COLGALT2: variants seen among roughly 807,000 people sequenced by gnomAD.
COLGALT2 encodes procollagen galactosyltransferase 2.
COLGALT2 carries 49 observed loss-of-function variants against 73.4 expected under a neutral mutation model. The observed-to-expected ratio is 0.67, with a 90% CI of 0.53 to 0.85. COLGALT2 has a LOEUF of 0.85. COLGALT2 is among the 40% of genes least tolerant of loss of function. The pLI is 0.00. For missense variants in COLGALT2, 722 were observed against 790.2 expected, an observed-to-expected ratio of 0.91 and a Z score of 1.03; for synonymous variants, 295 against 307.6, an observed-to-expected ratio of 0.96 and a Z score of 0.43.
intron 1 of COLGALT2, among the ~76,000 whole-genome samples, chr1:184,017,464 C>T (rs1481674386): frequency 1.3e-5 from 2 of 152,116 alleles, no homozygotes; most frequent in East Asian, 1.9e-4. Context: ...TCCTTTCCCA[C>T]GTGTCAAGTG....
intron 1 of COLGALT2, among the ~76,000 whole-genome samples, chr1:184,007,917 T>C (rs1247239169): frequency 6.6e-6 from 1 of 152,218 alleles, no homozygotes; most frequent in Non-Finnish European, 1.5e-5. Context: ...TAAACAAATA[T>C]TCATCACCCC....
At chr1:184,029,580 T>C (rs1649442225) in intron 1 of COLGALT2, among the ~76,000 whole-genome samples, 1 of 152,250 alleles carries the variant, frequency 6.6e-6, no homozygotes. Flanking sequence ...ATAGTTGCTG[T>C]GTATGAATCC....
intron 4 of COLGALT2, among the ~76,000 whole-genome samples, chr1:183,973,197 G>A (rs1671097307): frequency 6.6e-6 from 1 of 152,130 alleles, no homozygotes; most frequent in Non-Finnish European, 1.5e-5. Flanking sequence ...TACTAAAAAC[G>A]TGCAAGTTTC....
At chr1:183,971,945 TTAAACCA>T (rs763380097) in intron 4 of COLGALT2, among the ~76,000 whole-genome samples, 3 of 152,238 alleles carry the variant, frequency 2.0e-5, no homozygotes, top group Non-Finnish European at 4.4e-5. Flanking sequence ...GTGGGAGTAT[TTAAACCA>T]TAAAAATTGG....
intron 1 of COLGALT2, among the ~76,000 whole-genome samples, chr1:183,996,231 G>A (rs955369185): frequency 7.9e-5 from 12 of 152,142 alleles, no homozygotes; most frequent in Non-Finnish European, 1.5e-4. Context: ...CTGCACCTCT[G>A]ATAAACCCTC....
chr1:183,965,483 G>A (rs1670841899), intron 5 of COLGALT2, among the ~76,000 whole-genome samples: 1 of 152,168 alleles, frequency 6.6e-6, no homozygotes, highest in Non-Finnish European at 1.5e-5. Context: ...GGAAAGGAAG[G>A]AAGAGGAGGA....
At chr1:183,939,153 T>C (rs1670043453) in intron 11 of COLGALT2, 116 bp from the exon 12 acceptor site, 2 of 694,760 alleles carry the variant, frequency 2.9e-6, no homozygotes. Flanking sequence ...ATTATTTCAA[T>C]TGTGTCATTT....
rs2086796619 is a variant in COLGALT2 at position 183,939,041 on chromosome 1, A to T, written c.1605-4T>A. The stretch of plus-strand genomic sequence containing the variant: ...ATAATACTCCTTGTACTCGGCTCTG[A>T]AAACAAGAAGGTGGCCGGACACATG... On this transcript the variant is annotated splice_region_variant and splice_polypyrimidine_tract_variant and intron_variant, in intron 11 of 11. Coordinates refer to ENST00000361927, the MANE Select transcript of COLGALT2 (RefSeq NM_015101.4). The T allele has an allele frequency of 2.5e-6, 4 of 1,606,582 alleles. No individual in the cohort carries two copies.
Position 183,936,561 on chromosome 1 carries a change from A to T in COLGALT2, c.*2200T>A, listed in dbSNP as rs1669959986. On this transcript the variant is annotated 3_prime_UTR_variant, in exon 12 of 12. Coordinates refer to ENST00000361927, the MANE Select transcript of COLGALT2 (RefSeq NM_015101.4). Reference sequence around the variant, plus strand: ...TCTCTATTAAACAAAACACCACAAAAATCAACCCAAACTTCCTTCAACCCC... The same window carrying T: ...TCTCTATTAAACAAAACACCACAAATATCAACCCAAACTTCCTTCAACCCC... 1 of 1,114,942 alleles carries T rather than the reference A, an allele frequency of 9.0e-7. No homozygotes were observed. 69.1% of individuals were successfully genotyped at this position (1,114,942 alleles called of 1,614,324 possible).
intron 1 of COLGALT2, among the ~76,000 whole-genome samples, chr1:184,009,755 A>G (rs1215353236): frequency 1.3e-5 from 2 of 152,172 alleles, no homozygotes; most frequent in East Asian, 3.8e-4. Context: ...AAGACAAAAT[A>G]TTTTTGTTTA....
Position 183,938,939 on chromosome 1 carries a change from T to A in COLGALT2, c.1703A>T (p.Tyr568Phe). The change falls in exon 12 of 12, where the codon TAC becomes TTC. Residue 568 changes from tyrosine to phenylalanine, a missense_variant. Tyr to Phe is a conservative substitution (Grantham distance 22). Transcript: ENST00000361927. The stretch of plus-strand genomic sequence containing the variant: ...GGTGGAGGTCTCCGTGTCACTCAGG[T>A]ACCCCGGCTGGCCTGTGTAGTGCGT... ...YPTHYTGQPG[Y>F]LSDTETSTIW... 6.2e-7 allele frequency: 1 copy of A among 1,614,132 alleles called. No individual in the cohort carries two copies. Among genetic ancestry groups the A allele is most frequent in the Non-Finnish European group, 8.5e-7 (1 of 1,180,018 alleles).
rs1669958262 is a variant in COLGALT2 at position 183,936,483 on chromosome 1, G to C, written c.*2278C>G. The C allele has an allele frequency of 1.0e-6, 1 of 997,468 alleles. No individual in the cohort carries two copies. The highest frequency in any genetic ancestry group is 1.0e-4 in the East Asian group (1 of 9,636). 61.8% of individuals were successfully genotyped at this position (997,468 alleles called of 1,614,324 possible). On this transcript the variant is annotated 3_prime_UTR_variant, in exon 12 of 12. Transcript: ENST00000361927. ...TTTAAGTCCAAAGTCTTTTAAGAAT[G>C]AGAGTTCTTAAATCTGTCAGACCAG...
At position 183,936,412 on chromosome 1, in the gene COLGALT2, C is replaced by A; in HGVS notation, c.*2349G>T. On this transcript the variant is annotated 3_prime_UTR_variant, in exon 12 of 12. Coordinates refer to ENST00000361927, the MANE Select transcript of COLGALT2 (RefSeq NM_015101.4). ...GAGAAACAAACCGGGCTAAAGGAGA[C>A]AGAACTTTCTTCACAGTAGAACAGT... 1.0e-6 allele frequency: 1 copy of A among 986,200 alleles called. No individual in the cohort carries two copies. The highest frequency in any genetic ancestry group is 1.2e-6 in the Non-Finnish European group (1 of 830,290). 61.1% of individuals were successfully genotyped at this position (986,200 alleles called of 1,614,324 possible). A position where few individuals can be genotyped will look rare whatever the true frequency, so the allele number is the denominator to read the frequency against.
chr1:184,017,811 A>C (rs1649054352), intron 1 of COLGALT2, among the ~76,000 whole-genome samples: 1 of 152,120 alleles, frequency 6.6e-6, no homozygotes. Flanking sequence ...TTTTGTCCTA[A>C]GCATGGCACT....
intron 10 of COLGALT2, 60 bp downstream of exon 10, chr1:183,944,136 C>T (rs960757238): frequency 2.5e-4 from 374 of 1,526,334 alleles, no homozygotes; most frequent in East Asian, 5.4e-4. Context: ...GGGCTCTCTG[C>T]GCATTGGAAA....
At chr1:184,023,651 G>GC (rs1038067709) in intron 1 of COLGALT2, among the ~76,000 whole-genome samples, 3 of 151,934 alleles carry the variant, frequency 2.0e-5, no homozygotes, top group African/African-American at 7.3e-5. Flanking sequence ...GGTGGGGGGG[G>GC]GGGGCGGTGC....
chr1:184,031,698 C>T (rs757504807), intron 1 of COLGALT2, among the ~76,000 whole-genome samples: 2 of 152,156 alleles, frequency 1.3e-5, no homozygotes, highest in Non-Finnish European at 1.5e-5. Context: ...CTCTGTGCCT[C>T]GGTTTCCTTC....
intron 6 of COLGALT2, among the ~76,000 whole-genome samples, chr1:183,957,154 G>GAT (rs112660169): frequency 0.057 from 8,585 of 151,502 alleles, 386 homozygotes; most frequent in African/African-American, 0.13. Flanking sequence ...TTCTGTGAGT[G>GAT]ATATATATAT....
chr1:184,005,157 G>T (rs954533335), intron 1 of COLGALT2, among the ~76,000 whole-genome samples: 1 of 152,082 alleles, frequency 6.6e-6, no homozygotes, highest in African/African-American at 2.4e-5. Context: ...CTGAGCCGGG[G>T]CTCAGTCAAC....
Sources: allele counts gnomAD v4.1 joint callset (sites outside exome capture counted in the v4.1 genomes callset), GRCh38; gene constraint gnomAD v4.1.1; transcripts MANE v1.5; gene names NCBI Gene and HGNC (gene_info 2026-07-23, HGNC 2026-07-21).